WDR62: variants seen among roughly 807,000 people sequenced by gnomAD.
WDR62 encodes the protein WD repeat-containing protein 62.
In WDR62, 112 loss-of-function variants were observed where a neutral mutation model predicts 160.6. That is an observed-to-expected ratio of 0.70 (90% CI 0.60 to 0.82). The LOEUF (loss-of-function observed/expected upper bound fraction) is 0.82, where lower values mean the gene tolerates loss of function less well. Among genes scored for constraint, WDR62 ranks in the 40% least tolerant of loss-of-function variants. The probability of loss-of-function intolerance (pLI) is 0.00; values close to 1 mark genes in which losing one functional copy is unlikely to be tolerated. For synonymous variants in WDR62, 792 were observed against 815.1 expected (o/e 0.97, Z 0.48); for missense variants, 1,819 against 1,983.8 (o/e 0.92, Z 1.58).
At chr19:36,059,724 G>T (rs1041085343) in intron 2 of WDR62, among the ~76,000 whole-genome samples, 1 of 152,116 alleles carries the variant, frequency 6.6e-6, no homozygotes, top group Non-Finnish European at 1.5e-5. Flanking sequence ...CCAGCTTAAG[G>T]TCTTAATTAG....
intron 7 of WDR62, among the ~76,000 whole-genome samples, chr19:36,069,541 A>G (rs1386381968): frequency 6.7e-6 from 1 of 148,240 alleles, no homozygotes; most frequent in East Asian, 2.1e-4. Flanking sequence ...CTCACATCCC[A>G]GACGATGGGC....
chr19:36,094,413 G>A (rs1489154992), intron 20 of WDR62, among the ~76,000 whole-genome samples: 1 of 151,880 alleles, frequency 6.6e-6, no homozygotes. Context: ...AATTAGCCGG[G>A]CGTGGTGGCG....
intron 25 of WDR62, 94 bp from the exon 26 acceptor site, chr19:36,101,920 A>G (rs900568924): frequency 2.4e-4 from 386 of 1,589,526 alleles, no homozygotes; most frequent in Admixed American, 3.8e-4. Context: ...GCAACAGGGC[A>G]GGGATGGGTG....
chr19:36,104,768 T>C lies in WDR62; in HGVS notation c.4312T>C (p.Leu1438=). The C allele has an allele frequency of 6.2e-7, 1 of 1,613,738 alleles. No individual in the cohort carries two copies. Among genetic ancestry groups the C allele is most frequent in the Non-Finnish European group, 8.5e-7 (1 of 1,180,022 alleles). Residue 1438 remains leucine (L), a splice_region_variant and synonymous_variant, in exon 32 of 32, where the codon TTG becomes CTG. Coordinates refer to ENST00000401500, the MANE Select transcript of WDR62 (RefSeq NM_001083961.2). Reference sequence around the variant, plus strand: ...CTGACAAGGCTGGCATCCCTTGCAGTTGGTCTCCAGTGGCCAGGTGGACAC... The same window carrying C: ...CTGACAAGGCTGGCATCCCTTGCAGCTGGTCTCCAGTGGCCAGGTGGACAC... ...FQEALDLYRV[L]VSSGQVDTGQ...
chr19:36,107,698 CAA>C (rs1022229127), downstream of WDR62, among the ~76,000 whole-genome samples: 5 of 152,030 alleles, frequency 3.3e-5, no homozygotes, highest in African/African-American at 1.2e-4. Flanking sequence ...GCAGCTCAAA[CAA>C]AGAGGTTCTC....
intron 5 of WDR62, 26 bp from the exon 6 acceptor site, chr19:36,067,280 G>A (rs764358729): frequency 6.2e-7 from 1 of 1,613,972 alleles, no homozygotes; most frequent in Non-Finnish European, 8.5e-7. Flanking sequence ...GTGCTGGCAT[G>A]AGCTTCTCTG....
At position 36,066,442 on chromosome 19, in the gene WDR62, G is replaced by A; in HGVS notation, c.561+15G>A. On this transcript the variant is annotated intron_variant, in intron 5 of 31. Transcript: ENST00000401500. ...GGGACTGGAAGGTAAGAGCCGACCA[G>A]CAGGCCTGTGGCAGGCAGCCAGCTG... 6.3e-7 allele frequency: 1 copy of A among 1,580,228 alleles called. No homozygotes were observed.
downstream of WDR62, among the ~76,000 whole-genome samples, chr19:36,105,443 GCTTTGCCATAT>G (rs1973689479): frequency 6.6e-6 from 1 of 151,926 alleles, no homozygotes; most frequent in African/African-American, 2.4e-5. Context: ...AGCAGTCCAC[GCTTTGCCATAT>G]CATGGCTCAG....
At chr19:36,073,824 G>A (rs2145643525) in intron 9 of WDR62, 1 of 458,270 alleles carries the variant, frequency 2.2e-6, no homozygotes. Flanking sequence ...GTATTCTAGA[G>A]AGGAGAGGGG....
chr19:36,091,576 T>G, intron 18 of WDR62, 111 bp downstream of exon 18: 3 of 1,073,892 alleles, frequency 2.8e-6, no homozygotes, highest in Non-Finnish European at 4.3e-6. Context: ...GTGGGAGTCT[T>G]GGTGTCACAC....
chr19:36,068,405 G>A (rs1012030412), intron 7 of WDR62, among the ~76,000 whole-genome samples: 3 of 152,002 alleles, frequency 2.0e-5, no homozygotes, highest in Non-Finnish European at 4.4e-5. Context: ...GTTTCTCCCA[G>A]AGGGGGTTTG....
chr19:36,086,378 G>C (rs1008324340), intron 12 of WDR62, among the ~76,000 whole-genome samples: 3 of 152,188 alleles, frequency 2.0e-5, no homozygotes, highest in Non-Finnish European at 4.4e-5. Flanking sequence ...CACAGACCCA[G>C]CAGGCAAGAG....
At chr19:36,100,647 T>C in intron 22 of WDR62, 101 bp from the exon 23 acceptor site, 1 of 1,569,696 alleles carries the variant, frequency 6.4e-7, no homozygotes, top group East Asian at 2.2e-5. Context: ...CAGGCCCTGG[T>C]TCACAGCCTC....
chr19:36,099,244 A>G (rs1973169347), intron 21 of WDR62, among the ~76,000 whole-genome samples, 155 bp from the exon 22 acceptor site: 1 of 141,490 alleles, frequency 7.1e-6, no homozygotes, highest in African/African-American at 2.6e-5. Context: ...AAAAAAAAAA[A>G]CAGAGAAAGG....
At chr19:36,084,934 G>C (rs1482981255) in intron 12 of WDR62, among the ~76,000 whole-genome samples, 190 bp downstream of exon 12, 1 of 152,170 alleles carries the variant, frequency 6.6e-6, no homozygotes, top group Middle Eastern at 3.2e-3. Context: ...GACACCCGCA[G>C]GCAGGACTCA....
At chr19:36,074,072 G>A (rs1971448085) in intron 9 of WDR62, 1 of 284,080 alleles carries the variant, frequency 3.5e-6, no homozygotes, top group African/African-American at 2.2e-5. Flanking sequence ...TCTGAGGCGG[G>A]AGGATCACTT....
At chr19:36,071,531 A>T (rs1456469607) in intron 7 of WDR62, 25 bp from the exon 8 acceptor site, 5 of 1,614,156 alleles carry the variant, frequency 3.1e-6, no homozygotes, top group Non-Finnish European at 4.2e-6. Flanking sequence ...CACCAAATCC[A>T]CTGGGGTCCC....
In WDR62 at chr19:36,068,026, C is replaced by T. The variant is rs186118709; in HGVS notation, c.882+16C>T. The T allele has an allele frequency of 1.1e-5, 17 of 1,609,708 alleles. No individual in the cohort carries two copies. In the African/African-American group the frequency reaches 1.7e-4, roughly 16 times the overall value. On this transcript the variant is annotated intron_variant, in intron 7 of 31. Coordinates refer to ENST00000401500, the MANE Select transcript of WDR62 (RefSeq NM_001083961.2). The stretch of plus-strand genomic sequence containing the variant: ...CAACCTGAAGGTACCACCTCCCTCT[C>T]TGCCATCAGCTGGACAGACTCTTTC...
At chr19:36,098,997 G>A (rs968331972) in intron 21 of WDR62, among the ~76,000 whole-genome samples, 5 of 152,034 alleles carry the variant, frequency 3.3e-5, no homozygotes, top group South Asian at 2.1e-4. Flanking sequence ...CGAGGCGGGC[G>A]GATCACTTGA....
Sources: gnomAD v4.1 joint callset for allele counts (sites outside exome capture counted in the v4.1 genomes callset) on GRCh38, gnomAD v4.1.1 for gene constraint, MANE v1.5 for transcripts, NCBI Gene and HGNC (gene_info 2026-07-23, HGNC 2026-07-21) for gene names.